The following C10orf90 variants were observed in gnomAD, a reference collection of about 807,000 sequenced individuals.
The protein encoded by C10orf90 is (E2-independent) E3 ubiquitin-conjugating enzyme FATS.
Under a neutral mutation model 62.5 loss-of-function variants are expected in C10orf90, and 56 were observed. That is an observed-to-expected ratio of 0.90 (90% CI 0.72 to 1.12). The LOEUF (loss-of-function observed/expected upper bound fraction) is 1.12, where lower values mean the gene tolerates loss of function less well. C10orf90 is among the 50% of genes most tolerant of loss of function. The pLI is 0.00. For missense variants in C10orf90, 970 were observed against 880.4 expected, an observed-to-expected ratio of 1.10 and a Z score of -1.29; for synonymous variants, 386 against 340.4, an observed-to-expected ratio of 1.13 and a Z score of -1.47.
intron 2 of C10orf90, among the ~76,000 whole-genome samples, chr10:126,537,399 C>G (rs1864266087): frequency 6.6e-6 from 1 of 152,168 alleles, no homozygotes; most frequent in Non-Finnish European, 1.5e-5. Context: ...TGCCTAGCAA[C>G]CTAGCCCCCC....
At chr10:126,575,674 C>T (rs1844595399) in intron 2 of C10orf90, among the ~76,000 whole-genome samples, 1 of 151,892 alleles carries the variant, frequency 6.6e-6, no homozygotes, top group Non-Finnish European at 1.5e-5. Flanking sequence ...TATGGTACCT[C>T]AAAATATACT....
chr10:126,439,312 C>CT (rs1338588044), intron 7 of C10orf90, among the ~76,000 whole-genome samples: 4 of 152,266 alleles, frequency 2.6e-5, no homozygotes, highest in Admixed American at 6.5e-5. Context: ...AAAAGGATGA[C>CT]TTTTTTCCCC....
At chr10:126,553,069 AG>A (rs1864675668) in intron 2 of C10orf90, among the ~76,000 whole-genome samples, 1 of 152,246 alleles carries the variant, frequency 6.6e-6, no homozygotes, top group Non-Finnish European at 1.5e-5. Flanking sequence ...TGCTTCTAAA[AG>A]AAAACATAGA....
chr10:126,585,027 G>T (rs1255525320), intron 2 of C10orf90, among the ~76,000 whole-genome samples: 1 of 152,006 alleles, frequency 6.6e-6, no homozygotes, highest in Non-Finnish European at 1.5e-5. Flanking sequence ...CGTGATATCA[G>T]ATTTCGATCT....
chr10:126,551,508 A>G (rs1385561778), intron 2 of C10orf90, among the ~76,000 whole-genome samples: 1 of 151,408 alleles, frequency 6.6e-6, no homozygotes, highest in Non-Finnish European at 1.5e-5. Context: ...TAAACATTAT[A>G]TGGGGAGGGA....
intron 2 of C10orf90, among the ~76,000 whole-genome samples, chr10:126,593,505 T>C (rs1459534220): frequency 6.6e-6 from 1 of 151,926 alleles, no homozygotes; most frequent in African/African-American, 2.4e-5. Context: ...CATGAACACA[T>C]GGATACATGG....
chr10:126,644,070 G>A (rs530755436), intron 2 of C10orf90, among the ~76,000 whole-genome samples: 1 of 152,344 alleles, frequency 6.6e-6, no homozygotes, highest in Admixed American at 6.5e-5. Context: ...TAGGATTAGT[G>A]AGAATCCCTC....
At chr10:126,574,195 T>G (rs1844565813) in intron 2 of C10orf90, among the ~76,000 whole-genome samples, 1 of 152,148 alleles carries the variant, frequency 6.6e-6, no homozygotes, top group Non-Finnish European at 1.5e-5. Context: ...TTGTGCATAG[T>G]CACAAAAATA....
intron 2 of C10orf90, chr10:126,524,712 C>A: frequency 1.0e-6 from 1 of 985,928 alleles, no homozygotes; most frequent in Non-Finnish European, 1.2e-6. Flanking sequence ...CTTCCTCATC[C>A]GCGAGGCAAG....
intron 3 of C10orf90, among the ~76,000 whole-genome samples, chr10:126,508,954 A>T (rs1862931092): frequency 6.6e-6 from 1 of 152,084 alleles, no homozygotes; most frequent in African/African-American, 2.4e-5. Context: ...CTCTGACTAC[A>T]CGTCTGGACC....
rs770625114 is a variant in C10orf90, at chr10:126,504,127, C to G, written c.1364G>C (p.Gly455Ala). The G allele has an allele frequency of 2.5e-6, 4 of 1,614,024 alleles. No homozygotes were observed. Among genetic ancestry groups the G allele is most frequent in the African/African-American group, 1.3e-5 (1 of 74,922 alleles). The change falls in exon 4 of 10, where the codon GGC (glycine) becomes GCC (alanine). Residue 455 changes from glycine to alanine, a missense_variant. Physicochemically the swap from Gly to Ala is moderately conservative, Grantham distance 60. Transcript: ENST00000488181. The surrounding 1 kb of genome is among the most constrained non-coding windows in gnomAD (Gnocchi z 4.1). ...PSLRRVHLGTGACPWSGSFPL... is the reference protein window; with the variant it reads ...PSLRRVHLGTAACPWSGSFPL... ...AAAAGAACCACTCCAAGGACAAGCG[C>G]CGGTCCCCAAATGCACCCGCCTCAA...
intron 7 of C10orf90, among the ~76,000 whole-genome samples, chr10:126,438,100 G>T (rs889322343): frequency 1.3e-5 from 2 of 152,292 alleles, no homozygotes; most frequent in African/African-American, 2.4e-5. Flanking sequence ...AGATGCCGGG[G>T]TACACACACG....
intron 3 of C10orf90, among the ~76,000 whole-genome samples, chr10:126,509,256 G>A (rs1284670263): frequency 1.3e-5 from 2 of 152,154 alleles, no homozygotes; most frequent in Non-Finnish European, 2.9e-5. Flanking sequence ...TGCTCCTGAG[G>A]CACAGATACT....
At chr10:126,478,603 A>AG (rs1420386161) in intron 4 of C10orf90, among the ~76,000 whole-genome samples, 2 of 152,200 alleles carry the variant, frequency 1.3e-5, no homozygotes, top group African/African-American at 4.8e-5. Context: ...CCCGTGCTCA[A>AG]AGATGGCTGT....
chr10:126,534,987 G>A (rs1864194588), intron 2 of C10orf90, among the ~76,000 whole-genome samples: 1 of 152,118 alleles, frequency 6.6e-6, no homozygotes, highest in Non-Finnish European at 1.5e-5. Flanking sequence ...TTTGCTCAGA[G>A]CATCTGAGAC....
At chr10:126,438,287 A>G (rs963468906) in intron 7 of C10orf90, among the ~76,000 whole-genome samples, 1 of 152,298 alleles carries the variant, frequency 6.6e-6, no homozygotes, top group East Asian at 1.9e-4. Flanking sequence ...CCACTTTCTG[A>G]CAGTGCCAGA....
At chr10:126,612,494 T>A (rs1342260493) in intron 2 of C10orf90, among the ~76,000 whole-genome samples, 2 of 152,054 alleles carry the variant, frequency 1.3e-5, no homozygotes, top group Non-Finnish European at 2.9e-5. Context: ...CTAATCAGAG[T>A]GGCTTTGTCT....
chr10:126,469,688 T>A lies in C10orf90; in HGVS notation c.1535-4702A>T, dbSNP rs566299006. 6.7e-5 allele frequency: 24 copies of A among 357,612 alleles called. No individual in the cohort carries two copies. The East Asian group carries it at 1.7e-3, about 25-fold the overall frequency. 22.2% of individuals were successfully genotyped at this position (357,612 alleles called of 1,614,324 possible). On this transcript the variant is annotated intron_variant, in intron 4 of 9. Transcript: ENST00000488181. ...AACAGCCCCAGACTGCCTTCTGCCC[T>A]CAACACCTTTGCAAAGCTCTCGGGT...
At chr10:126,564,469 C>G (rs997572961) in intron 2 of C10orf90, among the ~76,000 whole-genome samples, 5 of 151,804 alleles carry the variant, frequency 3.3e-5, no homozygotes, top group African/African-American at 1.2e-4. Flanking sequence ...TCAGAGGAGG[C>G]CATAGTCTCA....
Sources: gnomAD v4.1 joint callset for allele counts (sites outside exome capture counted in the v4.1 genomes callset) on GRCh38, gnomAD v4.1.1 for gene constraint, Gnocchi (gnomAD v3.1) non-coding constraint, MANE v1.5 for transcripts, NCBI Gene and HGNC (gene_info 2026-07-23, HGNC 2026-07-21) for gene names.